USP48: variants seen among roughly 807,000 people sequenced by gnomAD.
The protein encoded by USP48 is ubiquitin specific peptidase 48.
USP48 carries 43 observed loss-of-function variants against 150.7 expected under a neutral mutation model. The observed-to-expected ratio is 0.29, with a 90% confidence interval of 0.22 to 0.37. The LOEUF (loss-of-function observed/expected upper bound fraction) is 0.37. Ranked by LOEUF, USP48 falls within the 10% of genes least tolerant of loss-of-function variation. The probability of loss-of-function intolerance (pLI) is 1.00; values close to 1 mark genes in which losing one functional copy is unlikely to be tolerated. For missense variants in USP48, 813 were observed against 1,249.6 expected, an observed-to-expected ratio of 0.65 and a Z score of 5.27; for synonymous variants, 396 against 425.9, an observed-to-expected ratio of 0.93 and a Z score of 0.86.
chr1:21,746,851 C>T (rs760163940), intron 8 of USP48, among the ~76,000 whole-genome samples: 3 of 152,098 alleles, frequency 2.0e-5, no homozygotes, highest in Admixed American at 6.5e-5. Context: ...CTGTACATAT[C>T]GATGAACCAC....
chr1:21,728,235 T>C, intron 11 of USP48: 1 of 1,033,752 alleles, frequency 9.7e-7, no homozygotes, highest in Non-Finnish European at 1.2e-6. Flanking sequence ...AACAGGCAAG[T>C]TGCTTTTTCC....
intron 1 of USP48, among the ~76,000 whole-genome samples, chr1:21,772,076 G>A (rs923182064): frequency 1.3e-5 from 2 of 152,090 alleles, no homozygotes; most frequent in Non-Finnish European, 2.9e-5. Flanking sequence ...ATAAAATATT[G>A]ATGGATCCCT....
intron 8 of USP48, among the ~76,000 whole-genome samples, chr1:21,737,228 T>C (rs991924746): frequency 2.0e-5 from 3 of 152,146 alleles, no homozygotes; most frequent in Non-Finnish European, 4.4e-5. Flanking sequence ...CACAGACACA[T>C]GTATCATCAC....
chr1:21,706,776 G>C lies in USP48; in HGVS notation c.2056C>G (p.Pro686Ala). 1 of 1,612,584 alleles carries C rather than the reference G, an allele frequency of 6.2e-7. No homozygotes were observed. Among genetic ancestry groups the C allele is most frequent in the Non-Finnish European group, 8.5e-7 (1 of 1,179,676 alleles). The change falls in exon 16 of 27, where the codon CCA becomes GCA. Residue 686 changes from proline to alanine, a missense_variant. Transcript: ENST00000308271. ...QQYFPKAPEF[P>A]SYKECCSQCK... The stretch of plus-strand genomic sequence containing the variant: ...TGTGAACAGCACTCTTTGTAACTTG[G>C]AAACTCAGGAGCCTTTGGAAAGTAC...
intron 3 of USP48, among the ~76,000 whole-genome samples, chr1:21,754,380 A>T (rs1247378839): frequency 6.6e-6 from 1 of 152,182 alleles, no homozygotes; most frequent in African/African-American, 2.4e-5. Flanking sequence ...AAGAATACAA[A>T]ACCGTAGAAT....
intron 1 of USP48, chr1:21,781,908 C>T (rs545171849): frequency 1.3e-5 from 2 of 152,326 alleles, no homozygotes; most frequent in African/African-American, 4.8e-5. Context: ...AGAGCTTGGA[C>T]TTATTCGTTT....
chr1:21,744,455 C>A (rs2097789432), intron 8 of USP48, among the ~76,000 whole-genome samples: 1 of 126,302 alleles, frequency 7.9e-6, no homozygotes. Flanking sequence ...AAAAAAAAAA[C>A]AGAAAAAGAA....
intron 1 of USP48, among the ~76,000 whole-genome samples, chr1:21,774,038 G>A (rs914357650): frequency 6.6e-6 from 1 of 151,954 alleles, no homozygotes; most frequent in South Asian, 2.1e-4. Flanking sequence ...AATTAGGTGG[G>A]TATGGTGGCA....
intron 1 of USP48, among the ~76,000 whole-genome samples, chr1:21,773,490 A>G (rs2097888374): frequency 6.6e-6 from 1 of 152,036 alleles, no homozygotes; most frequent in Non-Finnish European, 1.5e-5. Flanking sequence ...ATGAGATCCT[A>G]TCTCTATAAA....
chr1:21,682,550 G>T (rs2097568809), intron 25 of USP48, among the ~76,000 whole-genome samples: 1 of 151,432 alleles, frequency 6.6e-6, no homozygotes, highest in Non-Finnish European at 1.5e-5. Context: ...TCAACTATCT[G>T]ACTGCTCATA....
intron 1 of USP48, among the ~76,000 whole-genome samples, chr1:21,777,093 AAC>A (rs1224743367): frequency 1.3e-5 from 2 of 151,918 alleles, no homozygotes; most frequent in African/African-American, 4.8e-5. Context: ...CAGCCTGGAC[AAC>A]AGAGCCAGAC....
intron 1 of USP48, among the ~76,000 whole-genome samples, chr1:21,770,168 A>C (rs2097875216): frequency 6.6e-6 from 1 of 151,904 alleles, no homozygotes; most frequent in African/African-American, 2.4e-5. Context: ...CACCAAAAAA[A>C]AAAAAAAATT....
At chr1:21,683,282 A>G (rs1054429853) in intron 25 of USP48, among the ~76,000 whole-genome samples, 32 of 152,156 alleles carry the variant, frequency 2.1e-4, no homozygotes, top group African/African-American at 7.5e-4. Flanking sequence ...GCCAAACATA[A>G]TATTTGTACA....
At chr1:21,683,303 G>A (rs2152491463) in intron 25 of USP48, among the ~76,000 whole-genome samples, 1 of 152,194 alleles carries the variant, frequency 6.6e-6, no homozygotes. Flanking sequence ...TATTTATGGG[G>A]AACAGCTTAT....
At chr1:21,728,291 A>G in intron 11 of USP48, 1 of 1,135,854 alleles carries the variant, frequency 8.8e-7, no homozygotes, top group Non-Finnish European at 1.1e-6. Flanking sequence ...ATATCTCACA[A>G]AATATAAATA....
At position 21,748,189 on chromosome 1, in the gene USP48, A is replaced by G; in HGVS notation, c.857T>C (p.Leu286Pro). Residue 286 changes from leucine to proline, a missense_variant, in exon 7 of 27, where the codon CTT becomes CCT. Physicochemically the swap from Leu to Pro is moderately conservative, Grantham distance 98. Transcript: ENST00000308271. ...KQNATRKIRL[L>P]SLPCTLNLQL... ...CAAGTTCAGAGTGCAAGGAAGGCTA[A>G]GAAGTCGAATCTTTCTTGTTGCATT... is the stretch of plus-strand genomic sequence containing the variant. The G allele has an allele frequency of 6.2e-7, 1 of 1,614,112 alleles. No individual in the cohort carries two copies. Among genetic ancestry groups the G allele is most frequent in the Non-Finnish European group, 8.5e-7 (1 of 1,180,004 alleles).
rs761964131 is a variant in USP48 at position 21,704,320 on chromosome 1, G to C, written c.2457C>G (p.Ile819Met). Residue 819 changes from isoleucine to methionine, a missense_variant, in exon 20 of 27, where the codon ATC becomes ATG. Coordinates refer to ENST00000308271, the MANE Select transcript of USP48 (RefSeq NM_032236.8). ...KLFVVDHVIKITRIEVGDVNP... is the reference protein window; with the variant it reads ...KLFVVDHVIKMTRIEVGDVNP... ...TTACATCTCCCACTTCAATTCTCGT[G>C]ATTTTAATTACATGATCCACAACAA... 6.8e-6 allele frequency: 11 copies of C among 1,613,564 alleles called. No individual in the cohort carries two copies. In the South Asian group the frequency reaches 1.2e-4, roughly 18 times the overall value.
chr1:21,682,573 TG>T (rs1338224098), intron 25 of USP48, among the ~76,000 whole-genome samples: 1 of 152,094 alleles, frequency 6.6e-6, no homozygotes, highest in Non-Finnish European at 1.5e-5. Context: ...TACTTAAGTA[TG>T]AGGTACTAAA....
rs780116780 is a variant in USP48, at chr1:21,728,710, T to C, written c.1310A>G (p.Gln437Arg). 1 of 1,613,872 alleles carries C rather than the reference T, an allele frequency of 6.2e-7. No homozygotes were observed. The highest frequency in any genetic ancestry group is 8.5e-7 in the Non-Finnish European group (1 of 1,179,954). The change falls in exon 11 of 27, where the codon CAA (glutamine) becomes CGA (arginine). Residue 437 changes from glutamine (Q) to arginine (R), a missense_variant. Coordinates refer to ENST00000308271, the MANE Select transcript of USP48 (RefSeq NM_032236.8). ...GGAATTATCCCGATCTACCAGCTCT[T>C]GAAGAAAGGCTATTCAAAACAGAAA... ...NTTVQVPAFL[Q>R]ELVDRDNSKF...
Sources: gnomAD v4.1 joint callset for allele counts (sites outside exome capture counted in the v4.1 genomes callset) on GRCh38, gnomAD v4.1.1 for gene constraint, MANE v1.5 for transcripts, NCBI Gene and HGNC (gene_info 2026-07-23, HGNC 2026-07-21) for gene names.